The following FRAS1 variants were observed in gnomAD, a reference collection of about 807,000 sequenced individuals.
FRAS1 encodes the protein Fraser extracellular matrix complex subunit 1, also known as extracellular matrix organizing protein FRAS1.
Under a neutral mutation model 435.2 loss-of-function variants are expected in FRAS1, and 290 were observed. The observed-to-expected ratio is 0.67, with a 90% CI of 0.61 to 0.73. The LOEUF (loss-of-function observed/expected upper bound fraction) is 0.73. Among genes scored for constraint, FRAS1 ranks in the 30% least tolerant of loss-of-function variants. The pLI, the probability that FRAS1 is intolerant of heterozygous loss-of-function variation, is 0.00. For missense variants in FRAS1, 4,860 were observed against 5,001.5 expected, an observed-to-expected ratio of 0.97 and a Z score of 0.85; for synonymous variants, 1,800 against 1,851.0, an observed-to-expected ratio of 0.97 and a Z score of 0.71.
At chr4:78,314,458 A>G (rs1025259416) in intron 15 of FRAS1, among the ~76,000 whole-genome samples, 1 of 152,072 alleles carries the variant, frequency 6.6e-6, no homozygotes, top group African/African-American at 2.4e-5. Flanking sequence ...AATCATCTTG[A>G]TTCATGCTCC....
At chr4:78,118,295 G>A (rs750639681) in intron 2 of FRAS1, among the ~76,000 whole-genome samples, 9 of 152,166 alleles carry the variant, frequency 5.9e-5, no homozygotes, top group Non-Finnish European at 1.2e-4. Context: ...ACTTGAGGAG[G>A]CAGTCTGTCC....
intron 2 of FRAS1, among the ~76,000 whole-genome samples, chr4:78,099,238 C>T (rs757899491): frequency 1.8e-3 from 278 of 152,152 alleles, no homozygotes; most frequent in Non-Finnish European, 3.2e-3. Context: ...TTATTTTTAC[C>T]TCACACATGT....
chr4:78,376,002 C>A, intron 26 of FRAS1, 123 bp downstream of exon 26: 1 of 1,083,488 alleles, frequency 9.2e-7, no homozygotes, highest in African/African-American at 1.6e-5. Context: ...TGGGAAAACC[C>A]ATGGTGCTAC....
At chr4:78,108,652 G>T (rs1354421161) in intron 2 of FRAS1, among the ~76,000 whole-genome samples, 3 of 77,808 alleles carry the variant, frequency 3.9e-5, no homozygotes, top group Non-Finnish European at 7.4e-5. Context: ...AAGCAGGAAA[G>T]ATCCAAAATT....
intron 14 of FRAS1, among the ~76,000 whole-genome samples, chr4:78,299,561 T>C (rs1182128715): frequency 1.3e-5 from 2 of 152,188 alleles, no homozygotes; most frequent in Non-Finnish European, 2.9e-5. Context: ...TGAAGAAAGC[T>C]AGGGAGCTGT....
At chr4:78,498,429 C>T (rs1720572618) in intron 60 of FRAS1, among the ~76,000 whole-genome samples, 1 of 151,922 alleles carries the variant, frequency 6.6e-6, no homozygotes, top group African/African-American at 2.4e-5. Flanking sequence ...TCGCTCAAAC[C>T]CAGGAGGTGG....
chr4:78,466,845 C>A (rs1223871315), intron 50 of FRAS1, among the ~76,000 whole-genome samples: 2 of 152,100 alleles, frequency 1.3e-5, no homozygotes, highest in Non-Finnish European at 2.9e-5. Flanking sequence ...GTCCCCTCAG[C>A]CTAACCAGAG....
intron 4 of FRAS1, among the ~76,000 whole-genome samples, chr4:78,246,041 A>G (rs1004484749): frequency 6.6e-6 from 1 of 152,200 alleles, no homozygotes; most frequent in Non-Finnish European, 1.5e-5. Flanking sequence ...TCAAGTTCTT[A>G]AAATTACACT....
chr4:78,102,448 GA>G (rs1474643714), intron 2 of FRAS1, among the ~76,000 whole-genome samples: 1 of 152,110 alleles, frequency 6.6e-6, no homozygotes, highest in Non-Finnish European at 1.5e-5. Context: ...ATGCTAATTG[GA>G]TTTATTCTTT....
At chr4:78,274,737 T>C (rs994947963) in intron 9 of FRAS1, among the ~76,000 whole-genome samples, 2 of 152,224 alleles carry the variant, frequency 1.3e-5, no homozygotes, top group African/African-American at 4.8e-5. Flanking sequence ...CTTCCAACTA[T>C]GTGGTTAATT....
chr4:78,356,318 T>G (rs1400872739), intron 20 of FRAS1, among the ~76,000 whole-genome samples: 1 of 152,102 alleles, frequency 6.6e-6, no homozygotes, highest in Non-Finnish European at 1.5e-5. Flanking sequence ...TTCTCCATGA[T>G]TTCCTAGTAT....
intron 2 of FRAS1, chr4:78,181,770 C>T: frequency 1.9e-6 from 3 of 1,610,856 alleles, no homozygotes; most frequent in East Asian, 4.5e-5. Context: ...TGCGTCTCCT[C>T]TTTCTTGTCA....
At chr4:78,192,964 T>C (rs1722617380) in intron 2 of FRAS1, among the ~76,000 whole-genome samples, 1 of 152,258 alleles carries the variant, frequency 6.6e-6, no homozygotes, top group Non-Finnish European at 1.5e-5. Flanking sequence ...GAGATTCTGG[T>C]ATGTTGTGTC....
At chr4:78,328,200 T>G (rs1162505696) in intron 18 of FRAS1, among the ~76,000 whole-genome samples, 1 of 152,226 alleles carries the variant, frequency 6.6e-6, no homozygotes, top group Non-Finnish European at 1.5e-5. Context: ...TTGTGCACAT[T>G]GAGTAAGGCT....
In FRAS1 at chr4:78,156,682, G is replaced by A. The variant is rs928917683; in HGVS notation, c.109-80828G>A. 4.6e-5 allele frequency among the ~76,000 whole-genome samples: 7 copies of A among 152,216 alleles called. No individual in the cohort carries two copies. In the East Asian group the frequency reaches 7.7e-4, roughly 17 times the overall value. The stretch of plus-strand genomic sequence containing the variant: ...GGGTCTAAAAAATGACCTCTTTCTT[G>A]GGGCCTTTCAGATGACTGAATTGAA... On this transcript the variant is annotated intron_variant, in intron 2 of 73. Coordinates refer to ENST00000512123, the MANE Select transcript of FRAS1 (RefSeq NM_025074.7).
intron 29 of FRAS1, among the ~76,000 whole-genome samples, chr4:78,388,158 T>C (rs1246050931): frequency 6.6e-6 from 1 of 151,890 alleles, no homozygotes; most frequent in East Asian, 1.9e-4. Context: ...ACCCCGTCTC[T>C]ACTGAAAATA....
In FRAS1 at chr4:78,218,096, T is replaced by A. The variant is rs768180028; in HGVS notation, c.109-19414T>A. 4.8e-3 allele frequency among the ~76,000 whole-genome samples: 52 copies of A among 10,722 alleles called. 4 individuals carry two copies. The South Asian group carries it at 0.097, about 20-fold the overall frequency. The allele number at this position is 10,722 out of a possible 152,430, so 7.0% of individuals were successfully genotyped here. On this transcript the variant is annotated intron_variant, in intron 2 of 73. Coordinates refer to ENST00000512123, the MANE Select transcript of FRAS1 (RefSeq NM_025074.7). ...TCCCTTCTCTCTCTCTCTCACTCTC[T>A]CTCACACACACACACACACACACAC...
intron 47 of FRAS1, 96 bp downstream of exon 47, chr4:78,452,450 C>T (rs1719055753): frequency 2.2e-6 from 2 of 920,208 alleles, no homozygotes; most frequent in East Asian, 5.4e-5. Flanking sequence ...CTAGAATCTG[C>T]CTTAATTCAT....
Position 78,479,398 on chromosome 4 carries a change from C to A in FRAS1, c.8123C>A (p.Ala2708Glu). 1.3e-6 allele frequency: 2 copies of A among 1,500,852 alleles called. No individual in the cohort carries two copies. The highest frequency in any genetic ancestry group is 1.4e-5 in the South Asian group (1 of 70,168). The allele number at this position is 1,500,852 out of a possible 1,614,324, so 93.0% of individuals were successfully genotyped here. ...RKGDASSIVS[A>E]ICYTVPKSAM... Reference sequence around the variant, plus strand: ...GGAGATGCAAGCAGCATTGTATCTGCAATTTGCTACACAGTCCCTAAGTCA... The same window carrying A: ...GGAGATGCAAGCAGCATTGTATCTGAAATTTGCTACACAGTCCCTAAGTCA... Residue 2708 changes from alanine to glutamate, a missense_variant, in exon 56 of 74, where the codon GCA becomes GAA. Coordinates refer to ENST00000512123, the MANE Select transcript of FRAS1 (RefSeq NM_025074.7).
Sources: gnomAD v4.1 joint callset for allele counts (sites outside exome capture counted in the v4.1 genomes callset) on GRCh38, gnomAD v4.1.1 for gene constraint, MANE v1.5 for transcripts, NCBI Gene and HGNC (gene_info 2026-07-23, HGNC 2026-07-21) for gene names.